The following MINDY4 variants were observed in gnomAD, a reference collection of about 807,000 sequenced individuals.
MINDY4 encodes probable ubiquitin carboxyl-terminal hydrolase MINDY-4.
Under a neutral mutation model 87.0 loss-of-function variants are expected in MINDY4, and 68 were observed. The ratio of observed to expected loss-of-function variants is 0.78; its 90% CI spans 0.64 to 0.96. The LOEUF is 0.96. Ranked by LOEUF, MINDY4 falls within the 40% of genes least tolerant of loss-of-function variation. MINDY4 has a pLI of 0.00. For missense variants in MINDY4, 919 were observed against 928.2 expected (o/e 0.99, Z 0.13); for synonymous variants, 379 against 363.2 (o/e 1.04, Z -0.50).
chr7:30,841,286 C>T (rs186926771), intron 9 of MINDY4, among the ~76,000 whole-genome samples: 15 of 152,342 alleles, frequency 9.8e-5, no homozygotes, highest in Non-Finnish European at 1.6e-4. Context: ...TCCCTGCAGC[C>T]GTTCAGTTTC....
At chr7:30,870,415 T>C (rs1228624558) in intron 13 of MINDY4, among the ~76,000 whole-genome samples, 1 of 152,236 alleles carries the variant, frequency 6.6e-6, no homozygotes, top group Non-Finnish European at 1.5e-5. Context: ...CGAAGCGCTA[T>C]GCTCTGCCAT....
At chr7:30,865,145 C>T (rs1435590332) in intron 13 of MINDY4, among the ~76,000 whole-genome samples, 3 of 152,168 alleles carry the variant, frequency 2.0e-5, no homozygotes, top group Non-Finnish European at 4.4e-5. Context: ...CATGGGCTCC[C>T]GTCTCTGCAC....
In MINDY4 at chr7:30,793,583, C is replaced by A. The variant is rs1305499008; in HGVS notation, c.1073+2009C>A. 2.0e-5 allele frequency among the ~76,000 whole-genome samples: 3 copies of A among 152,004 alleles called. No individual in the cohort carries two copies. The East Asian group carries it at 5.8e-4, about 29-fold the overall frequency. On this transcript the variant is annotated intron_variant, in intron 5 of 17. Coordinates refer to ENST00000265299, the MANE Select transcript of MINDY4 (RefSeq NM_032222.3). ...GATGCACTTATTTCCACACACCTGG[C>A]TAATATTTTGTATTTTTTGTAGAGA...
intron 2 of MINDY4, chr7:30,779,796 C>G (rs1266908650): frequency 6.6e-6 from 1 of 152,194 alleles, no homozygotes; most frequent in East Asian, 1.9e-4. Flanking sequence ...TAACTGTAAT[C>G]CTTTTTTCAA....
chr7:30,786,002 T>C lies in MINDY4; in HGVS notation c.663+10T>C. Reference sequence around the variant, plus strand: ...CGCCAGCTCCCCACAGGTGGGGCTGTTGCTCTTTCTGTTGTTATGGGACTG... The same window carrying C: ...CGCCAGCTCCCCACAGGTGGGGCTGCTGCTCTTTCTGTTGTTATGGGACTG... On this transcript the variant is annotated intron_variant, in intron 4 of 17. Coordinates refer to ENST00000265299, the MANE Select transcript of MINDY4 (RefSeq NM_032222.3). 1 of 1,613,410 alleles carries C rather than the reference T, an allele frequency of 6.2e-7. No homozygotes were observed. Among genetic ancestry groups the C allele is most frequent in the Non-Finnish European group, 8.5e-7 (1 of 1,179,692 alleles).
At chr7:30,839,170 A>G in intron 7 of MINDY4, 30 bp from the exon 8 acceptor site, 3 of 1,456,562 alleles carry the variant, frequency 2.1e-6, no homozygotes, top group Non-Finnish European at 2.8e-6. Flanking sequence ...CTTTTAAAAC[A>G]ACCAGTAAAA....
chr7:30,805,100 C>T lies in MINDY4; in HGVS notation c.1073+13526C>T, dbSNP rs150967311. Among the ~76,000 whole-genome samples, 44 of 152,292 alleles carry T rather than the reference C, an allele frequency of 2.9e-4. No homozygotes were observed. In the East Asian group the frequency reaches 4.6e-3, roughly 16 times the overall value. ...TTGTTTTTTAACCAGGAAGATGTGC[C>T]GCAAGGTGAGTCTAGGGGTGCAGCA... On this transcript the variant is annotated intron_variant, in intron 5 of 17. Transcript: ENST00000265299.
intron 5 of MINDY4, among the ~76,000 whole-genome samples, chr7:30,817,363 TG>T (rs1788183949): frequency 7.3e-6 from 1 of 136,296 alleles, no homozygotes; most frequent in Non-Finnish European, 1.5e-5. Flanking sequence ...AACTTGGGTT[TG>T]TCTTTTTTTT....
chr7:30,800,590 T>G (rs1787619767), intron 5 of MINDY4, among the ~76,000 whole-genome samples: 1 of 151,384 alleles, frequency 6.6e-6, no homozygotes, highest in African/African-American at 2.4e-5. Context: ...CACAAAGGAG[T>G]GGAAGTTCAG....
chr7:30,829,398 A>C (rs1477378057), intron 6 of MINDY4, among the ~76,000 whole-genome samples: 1 of 152,200 alleles, frequency 6.6e-6, no homozygotes, highest in Non-Finnish European at 1.5e-5. Context: ...CCGTGAGAGG[A>C]TGAGGCTTGA....
intron 1 of MINDY4, among the ~76,000 whole-genome samples, chr7:30,771,908 G>A: frequency 6.6e-6 from 1 of 152,228 alleles, no homozygotes; most frequent in South Asian, 2.1e-4. Context: ...CCCTAGCCTG[G>A]CTGCCGGCCT....
intron 5 of MINDY4, among the ~76,000 whole-genome samples, chr7:30,825,606 G>T (rs1300303524): frequency 6.6e-6 from 1 of 152,226 alleles, no homozygotes; most frequent in Non-Finnish European, 1.5e-5. Context: ...GAAGCCAGCA[G>T]CCTGGGTTTG....
chr7:30,817,795 T>C (rs1788201969), intron 5 of MINDY4, among the ~76,000 whole-genome samples: 1 of 152,254 alleles, frequency 6.6e-6, no homozygotes, highest in Non-Finnish European at 1.5e-5. Context: ...TTCCTATATG[T>C]CTGTCCATGT....
chr7:30,889,877 A>G (rs1244018483), intron 17 of MINDY4, among the ~76,000 whole-genome samples: 1 of 152,180 alleles, frequency 6.6e-6, no homozygotes, highest in Non-Finnish European at 1.5e-5. Context: ...TTCTTTCAGT[A>G]TTTATTCTTG....
chr7:30,851,820 G>A (rs972265040), intron 10 of MINDY4, among the ~76,000 whole-genome samples: 1 of 152,234 alleles, frequency 6.6e-6, no homozygotes, highest in Non-Finnish European at 1.5e-5. Context: ...ACACCCAGGG[G>A]GAGCCTCGGA....
intron 17 of MINDY4, among the ~76,000 whole-genome samples, chr7:30,888,410 A>C (rs1790698990): frequency 6.6e-6 from 1 of 152,168 alleles, no homozygotes; most frequent in Non-Finnish European, 1.5e-5. Context: ...ACCCAGCCAA[A>C]ATGCCTTAGG....
At chr7:30,828,614 T>C in intron 5 of MINDY4, 65 bp from the exon 6 acceptor site, 3 of 1,540,450 alleles carry the variant, frequency 1.9e-6, no homozygotes, top group Non-Finnish European at 2.7e-6. Flanking sequence ...CTCTTAACAG[T>C]CTTCTCTGCC....
At chr7:30,812,271 A>AGG (rs57391101) in intron 5 of MINDY4, among the ~76,000 whole-genome samples, 77 of 55,880 alleles carry the variant, frequency 1.4e-3, no homozygotes, top group Middle Eastern at 6.7e-3. Flanking sequence ...ATGTGTGTTG[A>AGG]GGGGGGGGGG....
chr7:30,785,060 T>C (rs557735126), intron 3 of MINDY4, among the ~76,000 whole-genome samples: 22 of 147,850 alleles, frequency 1.5e-4, no homozygotes, highest in Non-Finnish European at 2.7e-4. Flanking sequence ...TTATTCTCAC[T>C]GTCTCTTGCC....
Sources: gnomAD v4.1 joint callset for allele counts (sites outside exome capture counted in the v4.1 genomes callset) on GRCh38, gnomAD v4.1.1 for gene constraint, MANE v1.5 for transcripts, NCBI Gene and HGNC (gene_info 2026-07-23, HGNC 2026-07-21) for gene names.